The following LPAR1 variants were observed in gnomAD, a reference collection of about 807,000 sequenced individuals.
LPAR1 encodes the protein LPA receptor 1.
In LPAR1, 5 loss-of-function variants were observed where a neutral mutation model predicts 23.8. That is an observed-to-expected ratio of 0.21 (90% CI 0.11 to 0.44). LPAR1 has a LOEUF of 0.44. LPAR1 is among the 20% of genes least tolerant of loss of function. The pLI, the probability that LPAR1 is intolerant of heterozygous loss-of-function variation, is 0.99. For synonymous variants in LPAR1, 160 were observed against 164.7 expected (o/e 0.97, Z 0.22); for missense variants, 311 against 482.8 (o/e 0.64, Z 3.33).
At chr9:110,916,065 A>C (rs780723154) in intron 5 of LPAR1, among the ~76,000 whole-genome samples, 1 of 152,246 alleles carries the variant, frequency 6.6e-6, no homozygotes, top group Non-Finnish European at 1.5e-5. Context: ...GTATGATATC[A>C]ATTATATAAT....
chr9:110,886,364 C>CAA (rs3030132), intron 5 of LPAR1, among the ~76,000 whole-genome samples: 17,090 of 112,262 alleles, frequency 0.15, 1,691 homozygotes, highest in Non-Finnish European at 0.2. Flanking sequence ...AACTCCATCT[C>CAA]AAAAAAAAAA....
At chr9:110,925,913 G>C (rs2093987484) in intron 5 of LPAR1, among the ~76,000 whole-genome samples, 1 of 151,948 alleles carries the variant, frequency 6.6e-6, no homozygotes, top group African/African-American at 2.4e-5. Flanking sequence ...CATCAGAACT[G>C]GTTTTTTTTT....
intron 2 of LPAR1, among the ~76,000 whole-genome samples, chr9:111,013,772 T>C (rs2097381003): frequency 1.3e-5 from 2 of 152,156 alleles, no homozygotes; most frequent in Non-Finnish European, 2.9e-5. Context: ...AAAGGTTATC[T>C]AGTAAATTTC....
At chr9:110,919,934 A>G (rs1014182664) in intron 5 of LPAR1, among the ~76,000 whole-genome samples, 2 of 152,180 alleles carry the variant, frequency 1.3e-5, no homozygotes, top group East Asian at 1.9e-4. Flanking sequence ...CTGCACATCT[A>G]TGTACGTAGT....
intron 5 of LPAR1, among the ~76,000 whole-genome samples, chr9:110,887,182 A>G (rs7039165): frequency 0.16 from 23,588 of 152,074 alleles, 2,324 homozygotes; most frequent in South Asian, 0.23. Context: ...GAATCACAAG[A>G]TATGTATTAC....
At chr9:110,904,506 T>C (rs941595989) in intron 5 of LPAR1, among the ~76,000 whole-genome samples, 5 of 152,104 alleles carry the variant, frequency 3.3e-5, no homozygotes, top group Non-Finnish European at 7.4e-5. Flanking sequence ...ACATAGTAAA[T>C]AAATAGAGGT....
chr9:110,990,816 G>A (rs1053914636), intron 2 of LPAR1, among the ~76,000 whole-genome samples: 48 of 152,064 alleles, frequency 3.2e-4, no homozygotes, highest in African/African-American at 8.2e-4. Flanking sequence ...AATTGCTAAC[G>A]CTCTAACCAG....
rs146569638 is a variant in LPAR1, at chr9:110,910,616, C to G, written c.793+30805G>C. 5.6e-3 allele frequency among the ~76,000 whole-genome samples: 852 copies of G among 152,294 alleles called. 6 individuals are homozygous for G. The highest frequency in any genetic ancestry group is 0.019 in the African/African-American group (793 of 41,546). On this transcript the variant is annotated intron_variant, in intron 5 of 5. Transcript: ENST00000683809. ...ATAGATAGTGATTTCTCTGATGGAT[C>G]TTGGCAAAGTTAGTTGAAAACTTTC... is the stretch of plus-strand genomic sequence containing the variant.
At chr9:110,948,534 A>G (rs976756980) in intron 4 of LPAR1, among the ~76,000 whole-genome samples, 6 of 152,240 alleles carry the variant, frequency 3.9e-5, no homozygotes, top group Non-Finnish European at 7.3e-5. Flanking sequence ...AGTTAATAAA[A>G]GTACTTTTTA....
chr9:110,959,789 A>G (rs909525010), intron 4 of LPAR1, among the ~76,000 whole-genome samples: 3 of 152,204 alleles, frequency 2.0e-5, no homozygotes, highest in Admixed American at 6.5e-5. Flanking sequence ...TGTGGTATAT[A>G]TACACAATGG....
chr9:111,032,675 A>G (rs1345329251), intron 2 of LPAR1, among the ~76,000 whole-genome samples: 2 of 152,220 alleles, frequency 1.3e-5, no homozygotes, highest in African/African-American at 2.4e-5. Flanking sequence ...GGCATAGGGG[A>G]AGAAAATTTA....
chr9:111,001,069 T>C (rs968587729), intron 2 of LPAR1, among the ~76,000 whole-genome samples: 1 of 152,180 alleles, frequency 6.6e-6, no homozygotes, highest in African/African-American at 2.4e-5. Context: ...CAAAAAGGAA[T>C]AGGGTTCTCT....
At chr9:111,005,950 C>T (rs2097211551) in intron 2 of LPAR1, among the ~76,000 whole-genome samples, 1 of 152,014 alleles carries the variant, frequency 6.6e-6, no homozygotes, top group Admixed American at 6.6e-5. Context: ...CACACTAAAC[C>T]CTATTCAGTT....
intron 4 of LPAR1, among the ~76,000 whole-genome samples, chr9:110,955,253 T>C (rs901137615): frequency 3.9e-5 from 6 of 152,106 alleles, no homozygotes; most frequent in Non-Finnish European, 8.8e-5. Flanking sequence ...AGATATTCCA[T>C]GCAAATGAAA....
intron 2 of LPAR1, among the ~76,000 whole-genome samples, chr9:110,998,870 C>T (rs984505713): frequency 4.6e-5 from 7 of 152,154 alleles, no homozygotes; most frequent in African/African-American, 1.4e-4. Context: ...AGATAGATTT[C>T]TTAAGTTATC....
intron 5 of LPAR1, among the ~76,000 whole-genome samples, chr9:110,906,968 TA>T (rs879667108): frequency 0.037 from 5,680 of 152,244 alleles, 172 homozygotes; most frequent in Non-Finnish European, 0.046. Flanking sequence ...TTTAATTCTG[TA>T]ACTTAAAAAA....
At chr9:111,009,176 C>G (rs2097277362) in intron 2 of LPAR1, among the ~76,000 whole-genome samples, 1 of 151,702 alleles carries the variant, frequency 6.6e-6, no homozygotes, top group African/African-American at 2.4e-5. Context: ...AACAGGGTTC[C>G]TAAAATAAAA....
At chr9:111,025,431 A>C (rs1229178941) in intron 2 of LPAR1, among the ~76,000 whole-genome samples, 1 of 152,118 alleles carries the variant, frequency 6.6e-6, no homozygotes, top group African/African-American at 2.4e-5. Context: ...AGCTCCTTGT[A>C]GATTCTGGAT....
chr9:110,980,914 A>G (rs933814370), intron 2 of LPAR1, among the ~76,000 whole-genome samples: 1 of 152,242 alleles, frequency 6.6e-6, no homozygotes, highest in Non-Finnish European at 1.5e-5. Context: ...GTACAAATGT[A>G]TATCAATTAA....
Sources: gnomAD v4.1 joint callset for allele counts (sites outside exome capture counted in the v4.1 genomes callset) on GRCh38, gnomAD v4.1.1 for gene constraint, MANE v1.5 for transcripts, NCBI Gene and HGNC (gene_info 2026-07-23, HGNC 2026-07-21) for gene names.